Variants in FNDC3B observed in about 807,000 individuals in gnomAD.
FNDC3B encodes fibronectin type III domain-containing protein 3B.
Under a neutral mutation model 151.5 loss-of-function variants are expected in FNDC3B, and 12 were observed. The ratio of observed to expected loss-of-function variants is 0.08; its 90% CI spans 0.05 to 0.13. FNDC3B has a LOEUF of 0.13. FNDC3B is among the 10% of genes least tolerant of loss of function. FNDC3B has a pLI of 1.00. For missense variants in FNDC3B, 1,214 were observed against 1,505.3 expected (o/e 0.81, Z 3.20); for synonymous variants, 528 against 549.0 (o/e 0.96, Z 0.54).
At chr3:172,067,399 A>T (rs1576832343) in intron 1 of FNDC3B, among the ~76,000 whole-genome samples, 1 of 152,132 alleles carries the variant, frequency 6.6e-6, no homozygotes, top group Non-Finnish European at 1.5e-5. Context: ...TGTAAATCTG[A>T]TCTGTGAGGC....
rs1380199516 is a variant in FNDC3B at position 172,305,741 on chromosome 3, C to T, written c.1062-1622C>T. On this transcript the variant is annotated intron_variant, in intron 9 of 25. Coordinates refer to ENST00000415807, the MANE Select transcript of FNDC3B (RefSeq NM_022763.4). ...TGGGTCAGATGCAACCCATGAGTCA[C>T]CTGTTGGAGAATTCTGTGTATCAAA... 2.6e-5 allele frequency among the ~76,000 whole-genome samples: 4 copies of T among 152,244 alleles called. No homozygotes were observed. The South Asian group carries it at 6.2e-4, about 24-fold the overall frequency.
At chr3:172,127,826 C>T (rs537922775) in intron 2 of FNDC3B, among the ~76,000 whole-genome samples, 49 of 152,186 alleles carry the variant, frequency 3.2e-4, no homozygotes, top group Non-Finnish European at 4.4e-5. Context: ...CCATTACCCC[C>T]GGCTAATTTT....
intron 6 of FNDC3B, among the ~76,000 whole-genome samples, chr3:172,278,398 C>G (rs1386819661): frequency 6.6e-6 from 1 of 152,022 alleles, no homozygotes; most frequent in East Asian, 1.9e-4. Flanking sequence ...TGTTACATAC[C>G]CAGGGAGGGT....
At chr3:172,294,272 A>C (rs1190102292) in intron 7 of FNDC3B, among the ~76,000 whole-genome samples, 1 of 152,212 alleles carries the variant, frequency 6.6e-6, no homozygotes, top group Non-Finnish European at 1.5e-5. Context: ...TCGCATTGCT[A>C]TGAAGAGCTA....
intron 6 of FNDC3B, among the ~76,000 whole-genome samples, chr3:172,258,030 A>G (rs576557603): frequency 2.0e-5 from 3 of 152,340 alleles, no homozygotes; most frequent in Admixed American, 2.0e-4. Flanking sequence ...ATCATGATAA[A>G]TATATACTAG....
At chr3:172,267,087 G>A (rs1728958032) in intron 6 of FNDC3B, among the ~76,000 whole-genome samples, 1 of 152,104 alleles carries the variant, frequency 6.6e-6, no homozygotes, top group Non-Finnish European at 1.5e-5. Flanking sequence ...ACTAACACAG[G>A]CCAAGAATCA....
At chr3:172,327,122 A>C (rs773539138) in intron 11 of FNDC3B, among the ~76,000 whole-genome samples, 1 of 152,080 alleles carries the variant, frequency 6.6e-6, no homozygotes, top group Non-Finnish European at 1.5e-5. Flanking sequence ...CAACCTCAAC[A>C]CTCAAGGTTG....
At chr3:172,102,829 A>C (rs1249926328) in intron 1 of FNDC3B, among the ~76,000 whole-genome samples, 1 of 152,214 alleles carries the variant, frequency 6.6e-6, no homozygotes, top group Non-Finnish European at 1.5e-5. Context: ...GATGTTTTTC[A>C]CTATCTGACT....
chr3:172,161,273 A>C (rs1722751004), intron 3 of FNDC3B, among the ~76,000 whole-genome samples: 1 of 152,238 alleles, frequency 6.6e-6, no homozygotes, highest in Admixed American at 6.5e-5. Flanking sequence ...GGTTTGGAAA[A>C]AAATCTCTAC....
chr3:172,296,015 G>A (rs1007182672), intron 8 of FNDC3B, among the ~76,000 whole-genome samples: 3 of 152,080 alleles, frequency 2.0e-5, no homozygotes, highest in African/African-American at 7.2e-5. Context: ...CAAAAGTTTG[G>A]CTCACAGGGA....
rs1356007968 is a variant in FNDC3B, at chr3:172,355,007, G to A, written c.2795+1924G>A. ...GCAAAAAAGCTTCTTCAATGGATCG[G>A]TCATTTCTCCATGGGTGCTATTATA... On this transcript the variant is annotated intron_variant, in intron 22 of 25. Transcript: ENST00000415807. 2.6e-5 allele frequency among the ~76,000 whole-genome samples: 4 copies of A among 151,734 alleles called. No homozygotes were observed. In the East Asian group the frequency reaches 7.7e-4, roughly 29 times the overall value.
chr3:172,201,147 G>C (rs1411211548), intron 3 of FNDC3B, among the ~76,000 whole-genome samples: 1 of 152,090 alleles, frequency 6.6e-6, no homozygotes, highest in African/African-American at 2.4e-5. Flanking sequence ...AGAGCTCCCT[G>C]CCCCAGCCAG....
intron 1 of FNDC3B, among the ~76,000 whole-genome samples, chr3:172,103,328 C>T (rs1362905606): frequency 1.3e-5 from 2 of 151,842 alleles, no homozygotes; most frequent in East Asian, 1.9e-4. Flanking sequence ...TGGGGTATGT[C>T]GGGCTGCTAT....
chr3:172,396,758 G>A (rs1338740914), intron 25 of FNDC3B, among the ~76,000 whole-genome samples: 5 of 152,178 alleles, frequency 3.3e-5, no homozygotes, highest in Admixed American at 2.6e-4. Flanking sequence ...GATGACCTGA[G>A]GTGGAACAAT....
chr3:172,190,944 C>T (rs1374183486), intron 3 of FNDC3B, among the ~76,000 whole-genome samples: 1 of 152,222 alleles, frequency 6.6e-6, no homozygotes, highest in African/African-American at 2.4e-5. Context: ...GCTGGGATTA[C>T]AGGCGTGAGC....
chr3:172,336,780 G>A (rs1313855421), intron 15 of FNDC3B, among the ~76,000 whole-genome samples: 2 of 151,804 alleles, frequency 1.3e-5, no homozygotes, highest in Admixed American at 6.6e-5. Flanking sequence ...GCGGGCGCCT[G>A]TAATCCCAGC....
chr3:172,268,913 TA>T (rs1015688381), intron 6 of FNDC3B, among the ~76,000 whole-genome samples: 20 of 152,316 alleles, frequency 1.3e-4, no homozygotes, highest in African/African-American at 4.1e-4. Flanking sequence ...ATGAGAAAAA[TA>T]AAGGACTTTG....
intron 3 of FNDC3B, chr3:172,186,720 G>A (rs1014647286): frequency 2.8e-6 from 2 of 702,306 alleles, no homozygotes; most frequent in African/African-American, 3.5e-5. Context: ...AGATGAAGTG[G>A]TGAAGAGAGC....
At chr3:172,053,548 G>A (rs1429238612) in intron 1 of FNDC3B, among the ~76,000 whole-genome samples, 1 of 152,180 alleles carries the variant, frequency 6.6e-6, no homozygotes, top group African/African-American at 2.4e-5. Flanking sequence ...AAGGCAGGCA[G>A]ATCACCTGAG....
Sources: allele counts gnomAD v4.1 joint callset (sites outside exome capture counted in the v4.1 genomes callset), GRCh38; gene constraint gnomAD v4.1.1; transcripts MANE v1.5; gene names NCBI Gene and HGNC (gene_info 2026-07-23, HGNC 2026-07-21).